The following HSPA4L variants were observed in gnomAD, a reference collection of about 807,000 sequenced individuals.
The protein encoded by HSPA4L is heat shock protein family A (Hsp70) member 4 like.
Under a neutral mutation model 100.3 loss-of-function variants are expected in HSPA4L, and 48 were observed. That is an observed-to-expected ratio of 0.48 (90% CI 0.38 to 0.61). The LOEUF (loss-of-function observed/expected upper bound fraction) is 0.61, where lower values mean the gene tolerates loss of function less well. HSPA4L is among the 20% of genes least tolerant of loss of function. The pLI, the probability that HSPA4L is intolerant of heterozygous loss-of-function variation, is 0.00. For synonymous variants in HSPA4L, 319 were observed against 328.2 expected, an observed-to-expected ratio of 0.97 and a Z score of 0.30; for missense variants, 886 against 988.6, an observed-to-expected ratio of 0.90 and a Z score of 1.39.
chr4:127,817,377 A>G (rs1456734974), intron 12 of HSPA4L, among the ~76,000 whole-genome samples: 1 of 152,152 alleles, frequency 6.6e-6, no homozygotes, highest in Non-Finnish European at 1.5e-5. Flanking sequence ...CCTCTTTGGC[A>G]GAAATAAGCT....
chr4:127,783,674 T>C, intron 1 of HSPA4L: 5 of 1,535,462 alleles, frequency 3.3e-6, no homozygotes, highest in Non-Finnish European at 4.4e-6. Flanking sequence ...TTACTTTTTA[T>C]GGAAAGGTAA....
In HSPA4L at chr4:127,840,699, TAATA is replaced by T. The variant is rs923838652; in HGVS notation, c.*7830_*7833del. The T allele has an allele frequency of 1.3e-5, 2 of 152,224 alleles. No individual in the cohort carries two copies. Among genetic ancestry groups the T allele is most frequent in the African/African-American group, 4.8e-5 (2 of 41,462 alleles). The allele number at this position is 152,224 out of a possible 1,614,324, so 9.4% of individuals were successfully genotyped here. A position where few individuals can be genotyped will look rare whatever the true frequency, so the allele number is the denominator to read the frequency against. ...CACATTGTTAACAATCGTGTAATTA[TAATA>T]AATATGTCTACCTACTCCTTGAACC... On this transcript the variant is annotated 3_prime_UTR_variant, in exon 19 of 19. Coordinates refer to ENST00000296464, the MANE Select transcript of HSPA4L (RefSeq NM_014278.4).
At chr4:127,819,497 G>A (rs930369371) in intron 13 of HSPA4L, among the ~76,000 whole-genome samples, 3 of 152,046 alleles carry the variant, frequency 2.0e-5, no homozygotes, top group Non-Finnish European at 4.4e-5. Context: ...CAGCTTTATT[G>A]AGATATAGTT....
At chr4:127,798,844 TA>T (rs1228300894) in intron 4 of HSPA4L, 135 bp downstream of exon 4, 1 of 760,178 alleles carries the variant, frequency 1.3e-6, no homozygotes, top group Non-Finnish European at 2.0e-6. Context: ...ACTTTCTTTT[TA>T]AAAAAACTGC....
At position 127,803,525 on chromosome 4, in the gene HSPA4L, A is replaced by G; in HGVS notation, c.664-104A>G. ...CCCCTGTGATTGGACAAGTTTTTTTAGCGTCATTTTTATTTTTACATTTTT... is the reference window on the plus strand; with the variant it reads ...CCCCTGTGATTGGACAAGTTTTTTTGGCGTCATTTTTATTTTTACATTTTT... On this transcript the variant is annotated intron_variant, in intron 6 of 18. Transcript: ENST00000296464. The G allele has an allele frequency of 3.4e-6, 4 of 1,171,406 alleles. No individual in the cohort carries two copies. In the East Asian group the frequency reaches 1.0e-4, roughly 31 times the overall value. 72.6% of individuals were successfully genotyped at this position (1,171,406 alleles called of 1,614,324 possible).
At position 127,798,275 on chromosome 4, in the gene HSPA4L, T is replaced by C. The variant is rs115869661; in HGVS notation, c.307-312T>C. Among the ~76,000 whole-genome samples the C allele has an allele frequency of 4.5e-3, 687 of 152,350 alleles. 3 individuals are homozygous for C. The highest frequency in any genetic ancestry group is 0.016 in the African/African-American group (650 of 41,580). Reference sequence around the variant, plus strand: ...GATCTTTTCCTTTTTCATTGTTTGCTGTGTCACATTTGGAAAATGAATTAT... The same window carrying C: ...GATCTTTTCCTTTTTCATTGTTTGCCGTGTCACATTTGGAAAATGAATTAT... On this transcript the variant is annotated intron_variant, in intron 3 of 18. Transcript: ENST00000296464.
At chr4:127,822,135 C>G (rs987295061) in intron 14 of HSPA4L, among the ~76,000 whole-genome samples, 1 of 152,118 alleles carries the variant, frequency 6.6e-6, no homozygotes, top group Non-Finnish European at 1.5e-5. Context: ...ATTTTCAAAA[C>G]AATTCCATCA....
At chr4:127,822,926 G>C (rs1172515943) in intron 15 of HSPA4L, 32 bp downstream of exon 15, 2 of 1,602,004 alleles carry the variant, frequency 1.2e-6, no homozygotes, top group Middle Eastern at 1.7e-4. Context: ...TTTTTGTGAG[G>C]ACTATTTAAA....
intron 11 of HSPA4L, chr4:127,809,313 C>CTTA: frequency 8.4e-7 from 1 of 1,189,912 alleles, no homozygotes; most frequent in Non-Finnish European, 1.3e-6. Context: ...GAGACCCTGT[C>CTTA]TTAATAAGGA....
Position 127,805,376 on chromosome 4 carries a change from C to A in HSPA4L, c.1137+152C>A, listed in dbSNP as rs935046106. 9.8e-6 allele frequency: 6 copies of A among 613,882 alleles called. No individual in the cohort carries two copies. The Admixed American group carries it at 2.0e-4, about 20-fold the overall frequency. 38.0% of individuals were successfully genotyped at this position (613,882 alleles called of 1,614,324 possible). A position where few individuals can be genotyped will look rare whatever the true frequency, so the allele number is the denominator to read the frequency against. On this transcript the variant is annotated intron_variant, in intron 9 of 18. Coordinates refer to ENST00000296464, the MANE Select transcript of HSPA4L (RefSeq NM_014278.4). ...CTGATAAATAAGTCTTATGTCTTTC[C>A]CATTTATGTTTTTAAGCTATAATAG...
chr4:127,790,208 A>T (rs1251118253), intron 1 of HSPA4L, among the ~76,000 whole-genome samples: 1 of 152,254 alleles, frequency 6.6e-6, no homozygotes, highest in Non-Finnish European at 1.5e-5. Context: ...AACAAAAATT[A>T]AACTCTTGAG....
intron 12 of HSPA4L, 85 bp from the exon 13 acceptor site, chr4:127,818,240 G>C (rs924279037): frequency 4.1e-5 from 35 of 850,082 alleles, no homozygotes; most frequent in Non-Finnish European, 6.1e-5. Flanking sequence ...TTTCAAAACA[G>C]GCTTGAACTC....
chr4:127,805,485 G>C (rs1330192446), intron 9 of HSPA4L, among the ~76,000 whole-genome samples: 1 of 152,078 alleles, frequency 6.6e-6, no homozygotes, highest in Non-Finnish European at 1.5e-5. Context: ...TTTTGGAGAT[G>C]TAAAGATATT....
At position 127,830,689 on chromosome 4, in the gene HSPA4L, TGTATC is replaced by T; in HGVS notation, c.2219_2223del (p.Cys740Ter). 1 of 1,609,342 alleles carries T rather than the reference TGTATC, an allele frequency of 6.2e-7. No individual in the cohort carries two copies. Among genetic ancestry groups the T allele is most frequent in the South Asian group, 1.1e-5 (1 of 90,280 alleles). ...TACTGAAATGGAAAAGGTTGAAAAA[TGTATC>T]AGTGATGCCATGAGTTGGCTGAATA... On this transcript the variant is annotated frameshift_variant, in exon 18 of 19. Transcript: ENST00000296464. LOFTEE classifies it high-confidence loss of function.
intron 1 of HSPA4L, 125 bp from the exon 2 acceptor site, chr4:127,793,952 C>G: frequency 1.8e-6 from 1 of 554,018 alleles, no homozygotes; most frequent in Non-Finnish European, 3.1e-6. Flanking sequence ...TTTGCATAAC[C>G]TATTTTTAAA....
chr4:127,825,787 A>G lies in HSPA4L; in HGVS notation c.2047-1518A>G, dbSNP rs1400510852. 5.3e-5 allele frequency among the ~76,000 whole-genome samples: 8 copies of G among 151,976 alleles called. 1 individual carries two copies. In the South Asian group the frequency reaches 1.5e-3, roughly 28 times the overall value. On this transcript the variant is annotated intron_variant, in intron 16 of 18. Coordinates refer to ENST00000296464, the MANE Select transcript of HSPA4L (RefSeq NM_014278.4). Reference sequence around the variant, plus strand: ...TAAAATTACAAAAAATTAGCCGGGCATGGTGGCACGCACCTGTAATCCCAG... The same window carrying G: ...TAAAATTACAAAAAATTAGCCGGGCGTGGTGGCACGCACCTGTAATCCCAG...
In HSPA4L at chr4:127,823,526, A is replaced by G. The variant is rs200594796; in HGVS notation, c.1948A>G (p.Lys650Glu). 6.2e-7 allele frequency: 1 copy of G among 1,607,598 alleles called. No individual in the cohort carries two copies. The highest frequency in any genetic ancestry group is 1.1e-5 in the South Asian group (1 of 90,804). ...TCAAATATATTACTAGGACTTGAGT[A>G]AACTGTCTGCAGTATTGGAAGACAC... The part of the protein sequence containing the change: ...EKFITPEDLS[K>E]LSAVLEDTEN... The change falls in exon 16 of 19, where the codon AAA (lysine) becomes GAA (glutamate). Residue 650 changes from lysine (K) to glutamate (E), a missense_variant. By Grantham distance (56) the Lys-to-Glu change is moderately conservative. Transcript: ENST00000296464.
Position 127,840,364 on chromosome 4 carries a change from G to GTTTGT in HSPA4L, c.*7494_*7498dup, listed in dbSNP as rs1480991201. On this transcript the variant is annotated 3_prime_UTR_variant, in exon 19 of 19. Coordinates refer to ENST00000296464, the MANE Select transcript of HSPA4L (RefSeq NM_014278.4). ...CTACATTTGATTTCTCAATTTCTCA[G>GTTTGT]TTTGTTTTCAATACAAACAGCAACC... The GTTTGT allele has an allele frequency of 6.6e-6, 1 of 152,118 alleles. No individual in the cohort carries two copies. The highest frequency in any genetic ancestry group is 1.5e-5 in the Non-Finnish European group (1 of 68,028). 9.4% of individuals were successfully genotyped at this position (152,118 alleles called of 1,614,324 possible). A position where few individuals can be genotyped will look rare whatever the true frequency, so the allele number is the denominator to read the frequency against.
At chr4:127,796,123 T>C (rs974437426) in intron 3 of HSPA4L, among the ~76,000 whole-genome samples, 9 of 152,072 alleles carry the variant, frequency 5.9e-5, no homozygotes, top group African/African-American at 2.2e-4. Flanking sequence ...AGGAAAAAAG[T>C]GGTTATTGAG....
Sources: allele counts gnomAD v4.1 joint callset (sites outside exome capture counted in the v4.1 genomes callset), GRCh38; gene constraint gnomAD v4.1.1; transcripts MANE v1.5; gene names NCBI Gene and HGNC (gene_info 2026-07-23, HGNC 2026-07-21).